The following MARCHF11 variants were observed in gnomAD, a reference collection of about 807,000 sequenced individuals.
MARCHF11 encodes membrane associated ring-CH-type finger 11.
A neutral mutation model predicts 37.3 loss-of-function variants in MARCHF11; 29 were observed. The observed-to-expected ratio is 0.78, with a 90% CI of 0.58 to 1.06. MARCHF11 has a LOEUF of 1.06. Among genes scored for constraint, MARCHF11 ranks in the 50% least tolerant of loss-of-function variants. The pLI is 0.00. For missense variants in MARCHF11, 482 were observed against 533.4 expected, an observed-to-expected ratio of 0.90 and a Z score of 0.95; for synonymous variants, 233 against 228.0, an observed-to-expected ratio of 1.02 and a Z score of -0.20.
At chr5:16,178,080 T>C (rs1191218894) in intron 1 of MARCHF11, among the ~76,000 whole-genome samples, 199 bp from the exon 2 acceptor site, 2 of 152,210 alleles carry the variant, frequency 1.3e-5, no homozygotes, top group African/African-American at 4.8e-5. Context: ...TTGCTTAGAG[T>C]TATGACATAA....
At chr5:16,173,469 T>C (rs1346858448) in intron 2 of MARCHF11, among the ~76,000 whole-genome samples, 3 of 152,162 alleles carry the variant, frequency 2.0e-5, no homozygotes, top group South Asian at 2.1e-4. Context: ...AATAAGGACA[T>C]AAATAAGACC....
chr5:16,085,977 A>AAAAAAAT (rs1736692842), intron 3 of MARCHF11, among the ~76,000 whole-genome samples: 1 of 141,988 alleles, frequency 7.0e-6, no homozygotes, highest in Admixed American at 7.2e-5. Flanking sequence ...AAAAAAAAAA[A>AAAAAAAT]TCTTATTACT....
chr5:16,106,530 T>G (rs1737042916), intron 2 of MARCHF11, among the ~76,000 whole-genome samples: 1 of 152,192 alleles, frequency 6.6e-6, no homozygotes, highest in African/African-American at 2.4e-5. Context: ...AAGCGTGGTT[T>G]TGTTTTCTTT....
At chr5:16,115,136 TA>T (rs1206826643) in intron 2 of MARCHF11, among the ~76,000 whole-genome samples, 1 of 152,184 alleles carries the variant, frequency 6.6e-6, no homozygotes, top group Non-Finnish European at 1.5e-5. Context: ...AGGGACTTTG[TA>T]AAGGGCATTT....
intron 2 of MARCHF11, among the ~76,000 whole-genome samples, chr5:16,114,946 A>C (rs4146756): frequency 0.24 from 35,735 of 151,886 alleles, 4,745 homozygotes; most frequent in African/African-American, 0.36. Context: ...GGAATCAAAA[A>C]CCATTTACTT....
In MARCHF11 at chr5:16,104,364, G is replaced by A. The variant is rs138908340; in HGVS notation, c.694-13283C>T. On this transcript the variant is annotated intron_variant, in intron 2 of 3. Transcript: ENST00000332432. ...TAAAACAATGAGAAATGTTTTGGGGGTGATAAAATATTCTATAACTGTGTG... is the reference window on the plus strand; with the variant it reads ...TAAAACAATGAGAAATGTTTTGGGGATGATAAAATATTCTATAACTGTGTG... Among the ~76,000 whole-genome samples the A allele has an allele frequency of 3.1e-3, 478 of 152,090 alleles. 8 individuals carry two copies. Among genetic ancestry groups the A allele is most frequent in the African/African-American group, 0.01 (433 of 41,476 alleles).
chr5:16,113,194 G>C (rs1299856748), intron 2 of MARCHF11, among the ~76,000 whole-genome samples: 1 of 152,124 alleles, frequency 6.6e-6, no homozygotes, highest in Non-Finnish European at 1.5e-5. Context: ...AAAATCACCA[G>C]TAGATGCCAT....
intron 2 of MARCHF11, among the ~76,000 whole-genome samples, chr5:16,123,640 T>C (rs895926362): frequency 3.3e-5 from 5 of 152,162 alleles, no homozygotes; most frequent in Non-Finnish European, 7.3e-5. Flanking sequence ...GCAGTGATTG[T>C]ATTATTATTT....
rs552427547 is a variant in MARCHF11, at chr5:16,151,788, G to A, written c.693+25938C>T. ...CATTTCATATCTCACTCTTAACTTC[G>A]TCAAAAAATCTTTGACAAGAAATCC... On this transcript the variant is annotated intron_variant, in intron 2 of 3. Coordinates refer to ENST00000332432, the MANE Select transcript of MARCHF11 (RefSeq NM_001102562.3). Among the ~76,000 whole-genome samples the A allele has an allele frequency of 3.8e-4, 57 of 151,040 alleles. No homozygotes were observed. The South Asian group carries it at 9.6e-3, about 25-fold the overall frequency.
intron 2 of MARCHF11, among the ~76,000 whole-genome samples, chr5:16,162,379 AC>A (rs1738095877): frequency 6.6e-6 from 1 of 152,014 alleles, no homozygotes; most frequent in Non-Finnish European, 1.5e-5. Flanking sequence ...CTCATGGAAA[AC>A]TAAAACCCAA....
chr5:16,092,823 G>C (rs1736808364), intron 2 of MARCHF11, among the ~76,000 whole-genome samples: 1 of 152,200 alleles, frequency 6.6e-6, no homozygotes, highest in African/African-American at 2.4e-5. Flanking sequence ...TCCAAGATGT[G>C]TCTGAAGTTG....
At chr5:16,079,469 C>T (rs1736570735) in intron 3 of MARCHF11, among the ~76,000 whole-genome samples, 1 of 152,206 alleles carries the variant, frequency 6.6e-6, no homozygotes, top group Non-Finnish European at 1.5e-5. Flanking sequence ...TGCTGCTCTG[C>T]CTTCCAGAAA....
intron 2 of MARCHF11, among the ~76,000 whole-genome samples, chr5:16,139,182 G>A (rs1000124422): frequency 6.6e-6 from 1 of 152,162 alleles, no homozygotes; most frequent in Non-Finnish European, 1.5e-5. Flanking sequence ...ATACCCCCAT[G>A]TTGTGGGAGG....
In MARCHF11 at chr5:16,088,365, T is replaced by C. The variant is rs143540133; in HGVS notation, c.886+2524A>G. ...GACTCTTATTTTTATTCACAGAACC[T>C]AGCACTGTTCAACACATAGAAAGTT... On this transcript the variant is annotated intron_variant, in intron 3 of 3. Transcript: ENST00000332432. 2.7e-3 allele frequency among the ~76,000 whole-genome samples: 411 copies of C among 152,304 alleles called. 2 individuals are homozygous for C. The highest frequency in any genetic ancestry group is 9.5e-3 in the African/African-American group (393 of 41,572).
chr5:16,122,633 T>A (rs765768847), intron 2 of MARCHF11, among the ~76,000 whole-genome samples: 3 of 152,128 alleles, frequency 2.0e-5, no homozygotes, highest in Non-Finnish European at 4.4e-5. Context: ...AATCCTGTGG[T>A]TTTCCCTTCC....
At position 16,083,208 on chromosome 5, in the gene MARCHF11, G is replaced by A. The variant is rs932100222; in HGVS notation, c.886+7681C>T. Among the ~76,000 whole-genome samples the A allele has an allele frequency of 4.9e-4, 74 of 152,136 alleles. 1 individual carries two copies. The highest frequency in any genetic ancestry group is 3.1e-4 in the Non-Finnish European group (21 of 68,038). ...GTGGTCTCCACTTCCCGTAGAGAAAGTATCTTCACTGTGCAAGTGGTCCCG... is the reference window on the plus strand; with the variant it reads ...GTGGTCTCCACTTCCCGTAGAGAAAATATCTTCACTGTGCAAGTGGTCCCG... On this transcript the variant is annotated intron_variant, in intron 3 of 3. Transcript: ENST00000332432.
chr5:16,111,111 GT>G (rs1255657582), intron 2 of MARCHF11, among the ~76,000 whole-genome samples: 2 of 152,124 alleles, frequency 1.3e-5, no homozygotes, highest in Admixed American at 6.5e-5. Flanking sequence ...CCCATCTTGG[GT>G]TTGTCTTTAT....
At chr5:16,167,754 G>A (rs344705) in intron 2 of MARCHF11, among the ~76,000 whole-genome samples, 75,175 of 151,738 alleles carry the variant, frequency 0.5, 19,815 homozygotes, top group Non-Finnish European at 0.58. Context: ...CTTTTCTTCC[G>A]TTCCTTACTA....
chr5:16,177,725 C>A lies in MARCHF11; in HGVS notation c.693+1G>T, dbSNP rs866325662. ...GAAAAATAAATGTTGAAACTGCTTA[C>A]CTGGCAAGGTTGTTTCATTTTAATG... On this transcript the variant is annotated splice_donor_variant, in intron 2 of 3. Transcript: ENST00000332432. LOFTEE classifies it high-confidence loss of function. The A allele has an allele frequency of 6.3e-7, 1 of 1,597,316 alleles. No homozygotes were observed. The highest frequency in any genetic ancestry group is 8.5e-7 in the Non-Finnish European group (1 of 1,172,988).
Sources: allele counts gnomAD v4.1 joint callset (sites outside exome capture counted in the v4.1 genomes callset), GRCh38; gene constraint gnomAD v4.1.1; transcripts MANE v1.5; gene names NCBI Gene and HGNC (gene_info 2026-07-23, HGNC 2026-07-21).